SYNM: variants seen among roughly 807,000 people sequenced by gnomAD.
The protein encoded by SYNM is synemin.
SYNM carries 95 observed loss-of-function variants against 104.0 expected under a neutral mutation model. That is an observed-to-expected ratio of 0.91 (90% CI 0.77 to 1.08). The LOEUF (loss-of-function observed/expected upper bound fraction) is 1.08, where lower values mean the gene tolerates loss of function less well. Ranked by LOEUF, SYNM falls within the 50% of genes least tolerant of loss-of-function variation. The probability of loss-of-function intolerance (pLI) is 0.00; values close to 1 mark genes in which losing one functional copy is unlikely to be tolerated. For missense variants in SYNM, 2,150 were observed against 2,052.2 expected (o/e 1.05, Z -0.92); for synonymous variants, 918 against 869.0 (o/e 1.06, Z -0.99).
At chr15:99,117,944 A>G (rs1429440343) in intron 2 of SYNM, among the ~76,000 whole-genome samples, 4 of 152,200 alleles carry the variant, frequency 2.6e-5, no homozygotes, top group Non-Finnish European at 5.9e-5. Context: ...CTAGGAATTT[A>G]GGAGCTACTC....
In SYNM at chr15:99,134,325, T is replaced by A. The variant is rs2067542572; in HGVS notation, c.*1267T>A. On this transcript the variant is annotated 3_prime_UTR_variant, in exon 4 of 4. Coordinates refer to ENST00000336292, the MANE Select transcript of SYNM (RefSeq NM_145728.3). The stretch of plus-strand genomic sequence containing the variant: ...CCCCATGCTCATGGGCCGCGGAGTG[T>A]GGACCTGTAGATAGGCACCACCGAG... The A allele has an allele frequency of 6.6e-6, 1 of 151,598 alleles. No homozygotes were observed. Among genetic ancestry groups the A allele is most frequent in the African/African-American group, 2.4e-5 (1 of 41,208 alleles). The allele number at this position is 151,598 out of a possible 1,614,324, so 9.4% of individuals were successfully genotyped here.
In SYNM at chr15:99,131,081, G is replaced by A; in HGVS notation, c.2721G>A (p.Trp907Ter). The change falls in exon 4 of 4, where the codon TGG becomes TGA. Residue 907 changes from tryptophan (W) to a stop codon, truncating the protein, a stop_gained. Transcript: ENST00000336292. LOFTEE classifies it high-confidence loss of function. The surrounding 1 kb of genome is among the most constrained non-coding windows in gnomAD (Gnocchi z 4.3). ...SLEGDLGSTH[W>*]KEQARSGEFH... ...AGGGGGACCTGGGTTCCACTCACTG[G>A]AAAGAACAAGCTAGAAGCGGTGAAT... 6.2e-7 allele frequency: 1 copy of A among 1,605,202 alleles called. No individual in the cohort carries two copies.
rs117317703 is a variant in SYNM at position 99,131,570 on chromosome 15, C to T, written c.3210C>T (p.Thr1070=). 19,001 of 1,609,272 alleles carry T rather than the reference C, an allele frequency of 0.012. 144 individuals are homozygous for T. The highest frequency in any genetic ancestry group is 0.014 in the Non-Finnish European group (16,050 of 1,179,680). Reference sequence around the variant, plus strand: ...GCATTCGCTTTAGGCGTTGGGCCACCCGGGAGCTGTACATCCCTTCAGGCG... The same window carrying T: ...GCATTCGCTTTAGGCGTTGGGCCACTCGGGAGCTGTACATCCCTTCAGGCG... ...AAGIRFRRWA[T]RELYIPSGES... Residue 1070 remains threonine (T), a synonymous_variant, in exon 4 of 4, where the codon ACC becomes ACT. Transcript: ENST00000336292. This position sits in a 1 kb window ranked among gnomAD's most constrained non-coding sequence, Gnocchi z 4.3.
At chr15:99,116,647 A>T (rs889941897) in intron 2 of SYNM, among the ~76,000 whole-genome samples, 2 of 142,974 alleles carry the variant, frequency 1.4e-5, no homozygotes, top group Non-Finnish European at 3.1e-5. Context: ...AGAGCGAGCA[A>T]GAGAGTGGGG....
chr15:99,119,077 T>G (rs1181410808), intron 2 of SYNM, among the ~76,000 whole-genome samples: 1 of 152,168 alleles, frequency 6.6e-6, no homozygotes, highest in Admixed American at 6.5e-5. Flanking sequence ...GGGTCTTGCC[T>G]GGAGTGTGCG....
In SYNM at chr15:99,131,460, G is replaced by C. The variant is rs782697393; in HGVS notation, c.3100G>C (p.Val1034Leu). The C allele has an allele frequency of 5.3e-5, 85 of 1,606,976 alleles. No homozygotes were observed. Among genetic ancestry groups the C allele is most frequent in the Non-Finnish European group, 7.0e-5 (83 of 1,179,308 alleles). ...ASEMEKAVES[V>L]VRESLSRQRS... ...TGAGATGGAGAAGGCTGTGGAGTCG[G>C]TGGTTCGGGAGAGCCTGAGCAGGCA... Residue 1034 changes from valine (V) to leucine (L), a missense_variant, in exon 4 of 4, where the codon GTG becomes CTG. Physicochemically the swap from Val to Leu is conservative, Grantham distance 32. Transcript: ENST00000336292. The surrounding 1 kb of genome is among the most constrained non-coding windows in gnomAD (Gnocchi z 4.3).
At position 99,132,802 on chromosome 15, in the gene SYNM, C is replaced by T. The variant is rs1425709184; in HGVS notation, c.4442C>T (p.Ala1481Val). The change falls in exon 4 of 4, where the codon GCT becomes GTT. Residue 1481 changes from alanine to valine, a missense_variant. Ala to Val is a moderately conservative substitution (Grantham distance 64). Transcript: ENST00000336292. Reference protein sequence around the residue: ...AIRSRTQEAGALGVSDRGSWR... With the variant: ...AIRSRTQEAGVLGVSDRGSWR... Reference sequence around the variant, plus strand: ...CGCAGCCGGACACAGGAAGCGGGAGCTCTCGGTGTGTCTGACCGTGGTTCC... The same window carrying T: ...CGCAGCCGGACACAGGAAGCGGGAGTTCTCGGTGTGTCTGACCGTGGTTCC... 3 of 1,613,874 alleles carry T rather than the reference C, an allele frequency of 1.9e-6. No individual in the cohort carries two copies. Among genetic ancestry groups the T allele is most frequent in the South Asian group, 1.1e-5 (1 of 91,074 alleles).
chr15:99,121,553 T>A (rs949550158), intron 2 of SYNM, among the ~76,000 whole-genome samples: 5 of 152,120 alleles, frequency 3.3e-5, no homozygotes, highest in Non-Finnish European at 7.4e-5. Context: ...GGATGATAAT[T>A]GATGATGAGA....
At chr15:99,106,737 C>T (rs1426952715) in intron 1 of SYNM, among the ~76,000 whole-genome samples, 2 of 152,036 alleles carry the variant, frequency 1.3e-5, no homozygotes, top group Non-Finnish European at 2.9e-5. Flanking sequence ...CCTCTGACAC[C>T]GGCGGGGTGA....
rs1555486140 is a variant in SYNM, at chr15:99,132,542, ATC to A, written c.4183_4184del (p.Ser1395GlyfsTer3). ...AGGACACATCAGGGGCAGAAATGAC[ATC>A]GGGTGTTAGCAGATCCTTTAGGCAC... ...AEDTSGAEMTSGVSRSFRHIR... is the reference protein window; with the variant it reads ...AEDTSGAEMTXGVSRSFRHIR... On this transcript the variant is annotated frameshift_variant, in exon 4 of 4. Coordinates refer to ENST00000336292, the MANE Select transcript of SYNM (RefSeq NM_145728.3). LOFTEE classifies it high-confidence loss of function. 2.5e-6 allele frequency: 4 copies of A among 1,614,060 alleles called. No individual in the cohort carries two copies. The highest frequency in any genetic ancestry group is 3.4e-6 in the Non-Finnish European group (4 of 1,179,898).
chr15:99,112,030 CAG>C (rs1485138298), intron 1 of SYNM, among the ~76,000 whole-genome samples: 4 of 152,246 alleles, frequency 2.6e-5, no homozygotes, highest in African/African-American at 9.6e-5. Flanking sequence ...GCCTCGGTGA[CAG>C]AGCGAGACTG....
chr15:99,132,161 A>G lies in SYNM; in HGVS notation c.3801A>G (p.Leu1267=). The G allele has an allele frequency of 6.2e-7, 1 of 1,614,000 alleles. No individual in the cohort carries two copies. The highest frequency in any genetic ancestry group is 1.1e-5 in the South Asian group (1 of 91,088). The change falls in exon 4 of 4, where the codon TTA becomes TTG. Residue 1267 remains leucine (L), a synonymous_variant. Coordinates refer to ENST00000336292, the MANE Select transcript of SYNM (RefSeq NM_145728.3). The part of the protein sequence containing the change: ...GTQTSVRQLQ[L]GPKEGFSGQI... Reference sequence around the variant, plus strand: ...AGACTTCTGTCAGGCAACTCCAGTTAGGCCCTAAAGAAGGGTTCAGTGGGC... The same window carrying G: ...AGACTTCTGTCAGGCAACTCCAGTTGGGCCCTAAAGAAGGGTTCAGTGGGC...
chr15:99,110,342 G>A lies in SYNM; in HGVS notation c.811-3249G>A, dbSNP rs1010242883. ...GAGCTACTTCCGGTACCTCTTATAC[G>A]CTTTACTGCGGGGCATTGGTTAGGA... is the stretch of plus-strand genomic sequence containing the variant. On this transcript the variant is annotated intron_variant, in intron 1 of 3. Transcript: ENST00000336292. 3.8e-4 allele frequency among the ~76,000 whole-genome samples: 58 copies of A among 152,274 alleles called. No homozygotes were observed. The Middle Eastern group carries it at 0.01, about 27-fold the overall frequency.
intron 3 of SYNM, 101 bp downstream of exon 3, chr15:99,126,893 T>A (rs2067453328): frequency 9.4e-7 from 1 of 1,063,406 alleles, no homozygotes; most frequent in Non-Finnish European, 1.3e-6. Context: ...GGGTTAGATA[T>A]GGTGTTTAGA....
At chr15:99,123,952 A>G (rs2067425029) in intron 2 of SYNM, among the ~76,000 whole-genome samples, 1 of 152,262 alleles carries the variant, frequency 6.6e-6, no homozygotes, top group African/African-American at 2.4e-5. Context: ...GCGCCTGGCC[A>G]GAGGCCACAT....
chr15:99,106,115 C>A, intron 1 of SYNM, 106 bp downstream of exon 1: 1 of 1,236,572 alleles, frequency 8.1e-7, no homozygotes, highest in Non-Finnish European at 1.0e-6. Context: ...GGCGCGGCGT[C>A]GCGGACCGGT....
rs1455909975 is a variant in SYNM at position 99,105,315 on chromosome 15, TGGA to T, written c.124_126del (p.Glu42del). The T allele has an allele frequency of 2.6e-6, 4 of 1,545,276 alleles. No homozygotes were observed. In the Admixed American group the frequency reaches 5.9e-5, roughly 23 times the overall value. ...GAGCTGGAGCGCGAAAACCTACTCC[TGGA>T]GGAGGAGCTGCGCGGCCGGCGCGGG... On this transcript the variant is annotated inframe_deletion, in exon 1 of 4. Coordinates refer to ENST00000336292, the MANE Select transcript of SYNM (RefSeq NM_145728.3).
At position 99,130,657 on chromosome 15, in the gene SYNM, T is replaced by C; in HGVS notation, c.2297T>C (p.Val766Ala). The C allele has an allele frequency of 6.2e-7, 1 of 1,613,624 alleles. No homozygotes were observed. Among genetic ancestry groups the C allele is most frequent in the Non-Finnish European group, 8.5e-7 (1 of 1,179,758 alleles). Reference sequence around the variant, plus strand: ...GGGGAGAAGCCGGAGGAGTTTTCCGTCCCATTCAAAGTGGAGGAGGTCGAA... The same window carrying C: ...GGGGAGAAGCCGGAGGAGTTTTCCGCCCCATTCAAAGTGGAGGAGGTCGAA... Reference protein sequence around the residue: ...VSGEKPEEFSVPFKVEEVEDV... With the variant: ...VSGEKPEEFSAPFKVEEVEDV... Residue 766 changes from valine (V) to alanine (A), a missense_variant, in exon 4 of 4, where the codon GTC (valine) becomes GCC (alanine). Val to Ala is a moderately conservative substitution (Grantham distance 64). Coordinates refer to ENST00000336292, the MANE Select transcript of SYNM (RefSeq NM_145728.3).
At position 99,134,469 on chromosome 15, in the gene SYNM, C is replaced by T. The variant is rs1197477225; in HGVS notation, c.*1411C>T. 7 of 152,210 alleles carry T rather than the reference C, an allele frequency of 4.6e-5. No homozygotes were observed. Among genetic ancestry groups the T allele is most frequent in the Admixed American group, 3.3e-4 (5 of 15,278 alleles). The allele number at this position is 152,210 out of a possible 1,614,324, so 9.4% of individuals were successfully genotyped here. On this transcript the variant is annotated 3_prime_UTR_variant, in exon 4 of 4. Coordinates refer to ENST00000336292, the MANE Select transcript of SYNM (RefSeq NM_145728.3). The stretch of plus-strand genomic sequence containing the variant: ...TATATAAAAAGAGTTTCGCTAGCAG[C>T]GCATTTTTTTTAGTTCAGGCTAGCT...
Sources: gnomAD v4.1 joint callset for allele counts (sites outside exome capture counted in the v4.1 genomes callset) on GRCh38, gnomAD v4.1.1 for gene constraint, Gnocchi (gnomAD v3.1) non-coding constraint, MANE v1.5 for transcripts, NCBI Gene and HGNC (gene_info 2026-07-23, HGNC 2026-07-21) for gene names.